PIGN: variants seen among roughly 807,000 people sequenced by gnomAD.
The protein encoded by PIGN is GPI ethanolamine phosphate transferase 1.
In PIGN, 117 loss-of-function variants were observed where a neutral mutation model predicts 125.4. The ratio of observed to expected loss-of-function variants is 0.93; its 90% confidence interval spans 0.80 to 1.09. The LOEUF (loss-of-function observed/expected upper bound fraction) is 1.09. Ranked by LOEUF, PIGN falls within the 50% of genes least tolerant of loss-of-function variation. The probability of loss-of-function intolerance (pLI) is 0.00; values close to 1 mark genes in which losing one functional copy is unlikely to be tolerated. For missense variants in PIGN, 1,075 were observed against 1,094.9 expected (o/e 0.98, Z 0.26); for synonymous variants, 392 against 377.8 (o/e 1.04, Z -0.44).
chr18:62,035,515 CTT>C (rs941703855), intron 23 of PIGN, among the ~76,000 whole-genome samples: 2 of 152,106 alleles, frequency 1.3e-5, no homozygotes, highest in African/African-American at 2.4e-5. Context: ...AGAAACCTAA[CTT>C]ATTACTTTTT....
rs548797477 is a variant in PIGN at position 62,186,770 on chromosome 18, A to T, written c.-236+74T>A. 2.6e-5 allele frequency: 4 copies of T among 152,252 alleles called. No homozygotes were observed. The East Asian group carries it at 5.8e-4, about 22-fold the overall frequency. The allele number at this position is 152,252 out of a possible 1,614,324, so 9.4% of individuals were successfully genotyped here. ...CGAGAAAAAGTGCAGCGCAGTAGGG[A>T]AACAGCGCGTCCGCGGGCGCGACAC... On this transcript the variant is annotated intron_variant, in intron 1 of 30. Transcript: ENST00000640252.
chr18:62,093,920 T>TA (rs1568167497), intron 23 of PIGN, among the ~76,000 whole-genome samples: 1 of 152,136 alleles, frequency 6.6e-6, no homozygotes, highest in East Asian at 1.9e-4. Context: ...ATACTCTTTT[T>TA]AATTTTTTTT....
At chr18:62,051,897 T>C (rs2031329919) in intron 30 of PIGN, 1 of 152,106 alleles carries the variant, frequency 6.6e-6, no homozygotes, top group South Asian at 2.1e-4. Flanking sequence ...TTCTGGTATG[T>C]TGTGTCTTTG....
At chr18:62,168,853 A>ATTTTT (rs375012504) in intron 1 of PIGN, among the ~76,000 whole-genome samples, 4 of 122,236 alleles carry the variant, frequency 3.3e-5, no homozygotes, top group African/African-American at 6.2e-5. Flanking sequence ...ACAACCACTA[A>ATTTTT]TTTTTTTTTT....
chr18:62,168,614 T>C (rs1459387979), intron 1 of PIGN, among the ~76,000 whole-genome samples: 1 of 152,094 alleles, frequency 6.6e-6, no homozygotes, highest in Non-Finnish European at 1.5e-5. Flanking sequence ...ACAGTATAGG[T>C]ATCAATTCAG....
intron 23 of PIGN, among the ~76,000 whole-genome samples, chr18:62,029,749 T>G (rs918750336): frequency 4.6e-5 from 7 of 152,282 alleles, no homozygotes; most frequent in Non-Finnish European, 2.9e-5. Context: ...GATACTGGCC[T>G]TTCATTAAAC....
At chr18:62,032,044 G>A (rs754767023) in intron 23 of PIGN, among the ~76,000 whole-genome samples, 24 of 152,108 alleles carry the variant, frequency 1.6e-4, no homozygotes, top group Admixed American at 1.6e-3. Context: ...GCTTCACATG[G>A]CCTAATCCTT....
In PIGN at chr18:62,042,030, A is replaced by G. The variant is rs2030399226; in HGVS notation, c.*3826T>C. 1 of 151,602 alleles carries G rather than the reference A, an allele frequency of 6.6e-6. No homozygotes were observed. The highest frequency in any genetic ancestry group is 2.4e-5 in the African/African-American group (1 of 41,218). 9.4% of individuals were successfully genotyped at this position (151,602 alleles called of 1,614,324 possible). A position where few individuals can be genotyped will look rare whatever the true frequency, so the allele number is the denominator to read the frequency against. On this transcript the variant is annotated 3_prime_UTR_variant, in exon 31 of 31. Transcript: ENST00000640252. Reference sequence around the variant, plus strand: ...TTTCTCAAATATATTTAATTAAGAAACTCTTTTCAGCTGGGTGAGGCAGCT... The same window carrying G: ...TTTCTCAAATATATTTAATTAAGAAGCTCTTTTCAGCTGGGTGAGGCAGCT...
At position 62,041,297 on chromosome 18, in the gene PIGN, C is replaced by G. The variant is rs772371429; in HGVS notation, c.*4559G>C. On this transcript the variant is annotated 3_prime_UTR_variant, in exon 31 of 31. Transcript: ENST00000640252. Reference sequence around the variant, plus strand: ...TGCAATCTGGTACCACTGGCCTTTCCCACATGAAAGACTAAATGATGACAG... The same window carrying G: ...TGCAATCTGGTACCACTGGCCTTTCGCACATGAAAGACTAAATGATGACAG... 1 of 151,742 alleles carries G rather than the reference C, an allele frequency of 6.6e-6. No homozygotes were observed. Among genetic ancestry groups the G allele is most frequent in the South Asian group, 2.1e-4 (1 of 4,830 alleles). 9.4% of individuals were successfully genotyped at this position (151,742 alleles called of 1,614,324 possible).
At chr18:62,095,404 T>C (rs2034138003) in intron 23 of PIGN, among the ~76,000 whole-genome samples, 2 of 152,136 alleles carry the variant, frequency 1.3e-5, no homozygotes, top group Admixed American at 1.3e-4. Flanking sequence ...TTTGGGAAAA[T>C]ATTCTGAAGG....
At chr18:62,074,557 C>T (rs1301829066) in intron 29 of PIGN, among the ~76,000 whole-genome samples, 2 of 152,074 alleles carry the variant, frequency 1.3e-5, no homozygotes, top group Non-Finnish European at 2.9e-5. Flanking sequence ...ACATGGAAGA[C>T]GAGGTATGAC....
intron 10 of PIGN, among the ~76,000 whole-genome samples, chr18:62,143,587 A>G (rs1419185920): frequency 1.3e-5 from 2 of 152,180 alleles, no homozygotes; most frequent in Non-Finnish European, 2.9e-5. Flanking sequence ...TTAAATGTTT[A>G]CTGGGAGATA....
intron 26 of PIGN, among the ~76,000 whole-genome samples, chr18:62,084,886 T>G (rs2033622911): frequency 6.6e-6 from 1 of 152,138 alleles, no homozygotes; most frequent in Non-Finnish European, 1.5e-5. Flanking sequence ...GGCGGGTGGA[T>G]CACCTGCGGT....
chr18:62,038,308 GTTTTTT>G (rs34436733), downstream of PIGN, among the ~76,000 whole-genome samples: 24,502 of 120,310 alleles, frequency 0.2, 2,724 homozygotes, highest in Middle Eastern at 0.33. Context: ...CCCCCTCCGT[GTTTTTT>G]TTTTTTTTTT....
intron 24 of PIGN, 119 bp from the exon 25 acceptor site, chr18:62,088,961 A>AAATAAAC (rs560438401): frequency 3.2e-6 from 2 of 619,552 alleles, no homozygotes; most frequent in Non-Finnish European, 5.8e-6. Context: ...GCTGACAAAA[A>AAATAAAC]AATAAACAAT....
chr18:62,076,940 T>A (rs1265356109), intron 28 of PIGN, among the ~76,000 whole-genome samples: 1 of 152,200 alleles, frequency 6.6e-6, no homozygotes, highest in East Asian at 1.9e-4. Flanking sequence ...TAGCACTAGT[T>A]TTAGTGGTTG....
chr18:62,149,988 G>A (rs1407335164), intron 7 of PIGN, among the ~76,000 whole-genome samples: 3 of 152,086 alleles, frequency 2.0e-5, no homozygotes, highest in African/African-American at 7.3e-5. Flanking sequence ...ATAAGAGTTT[G>A]TTGCTGTTGT....
chr18:62,088,945 C>A (rs1256571698), intron 24 of PIGN, 103 bp from the exon 25 acceptor site: 3 of 655,666 alleles, frequency 4.6e-6, no homozygotes, highest in Non-Finnish European at 8.1e-6. Flanking sequence ...TAGAAACATG[C>A]CCTGTGCTGA....
intron 7 of PIGN, among the ~76,000 whole-genome samples, chr18:62,152,491 G>A (rs2036573066): frequency 6.6e-6 from 1 of 151,924 alleles, no homozygotes; most frequent in Non-Finnish European, 1.5e-5. Flanking sequence ...TGAGATAGTT[G>A]GGGGGTTGGG....
Sources: gnomAD v4.1 joint callset for allele counts (sites outside exome capture counted in the v4.1 genomes callset) on GRCh38, gnomAD v4.1.1 for gene constraint, MANE v1.5 for transcripts, NCBI Gene and HGNC (gene_info 2026-07-23, HGNC 2026-07-21) for gene names.